DLX5: variants seen among roughly 807,000 people sequenced by gnomAD.
DLX5 encodes distal-less homeobox 5, also known as homeobox protein DLX-5.
DLX5 carries 8 observed loss-of-function variants against 27.1 expected under a neutral mutation model. The observed-to-expected ratio is 0.30, with a 90% CI of 0.17 to 0.53. The LOEUF is 0.53. Among genes scored for constraint, DLX5 ranks in the 20% least tolerant of loss-of-function variants. DLX5 has a pLI of 0.95. For missense variants in DLX5, 339 were observed against 375.1 expected, an observed-to-expected ratio of 0.90 and a Z score of 0.80; for synonymous variants, 178 against 161.9, an observed-to-expected ratio of 1.10 and a Z score of -0.75.
Position 97,024,254 on chromosome 7 carries a change from C to T in DLX5, c.355+15G>A, listed in dbSNP as rs1389969404. ...GTCGCCCTGTATCTGCCCAGCCTTC[C>T]CCCTGTCCATGTACCTGGCTGGTTG... On this transcript the variant is annotated intron_variant, in intron 1 of 2. Transcript: ENST00000648378. This position sits in a 1 kb window ranked among gnomAD's most constrained non-coding sequence, Gnocchi z 4.6. The T allele has an allele frequency of 1.9e-6, 3 of 1,607,830 alleles. No homozygotes were observed. The Admixed American group carries it at 5.0e-5, about 27-fold the overall frequency.
rs1334721803 is a variant in DLX5 at position 97,024,266 on chromosome 7, T to C, written c.355+3A>G. The stretch of plus-strand genomic sequence containing the variant: ...CTGCCCAGCCTTCCCCCTGTCCATG[T>C]ACCTGGCTGGTTGGTGGCGCTTGGG... On this transcript the variant is annotated splice_donor_region_variant and intron_variant, in intron 1 of 2. Transcript: ENST00000648378. The surrounding 1 kb of genome is among the most constrained non-coding windows in gnomAD (Gnocchi z 4.6). 6.2e-6 allele frequency: 10 copies of C among 1,612,200 alleles called. No homozygotes were observed. Among genetic ancestry groups the C allele is most frequent in the Non-Finnish European group, 8.5e-6 (10 of 1,178,836 alleles).
chr7:97,022,278 C>T lies in DLX5; in HGVS notation c.447G>A (p.Leu149=). 1.2e-6 allele frequency: 2 copies of T among 1,614,262 alleles called. No individual in the cohort carries two copies. Among genetic ancestry groups the T allele is most frequent in the East Asian group, 2.2e-5 (1 of 44,892 alleles). ...KPRTIYSSFQ[L]AALQRRFQKT... is the part of the protein sequence containing the mutation. The stretch of plus-strand genomic sequence containing the variant: ...TCTGAAACCTTCTCTGTAATGCGGC[C>T]AGCTGAAAGCTGGAATAAATAGTCC... Residue 149 remains leucine (L), a synonymous_variant, in exon 2 of 3, where the codon CTG becomes CTA. Transcript: ENST00000648378.
chr7:97,020,830 C>T lies in DLX5; in HGVS notation c.776G>A (p.Trp259Ter). ...GATTGAGCTGGCTGCACTTGTGTAC[C>T]AGGATGCAGAGTTCTCCAGGTAGCT... ...ASSYLENSAS[W>*]YTSAASSINS... The change falls in exon 3 of 3, where the codon TGG becomes TAG. Residue 259 changes from tryptophan (W) to a stop codon, truncating the protein, a stop_gained. Transcript: ENST00000648378. LOFTEE classifies it high-confidence loss of function. 2 of 1,614,012 alleles carry T rather than the reference C, an allele frequency of 1.2e-6. No homozygotes were observed. Among genetic ancestry groups the T allele is most frequent in the Non-Finnish European group, 1.7e-6 (2 of 1,179,948 alleles).
At chr7:97,023,337 G>GGTGTGT (rs10525881) in intron 1 of DLX5, among the ~76,000 whole-genome samples, 2,341 of 145,472 alleles carry the variant, frequency 0.016, 57 homozygotes, top group African/African-American at 0.051. Flanking sequence ...ACCTCTCCAG[G>GGTGTGT]GTGTGTGTGT....
chr7:97,022,054 C>T (rs1790077898), intron 2 of DLX5, 131 bp downstream of exon 2: 2 of 1,068,298 alleles, frequency 1.9e-6, no homozygotes, highest in East Asian at 2.4e-5. Flanking sequence ...AGCATAGGGG[C>T]TGATGTCTTT....
In DLX5 at chr7:97,024,464, C is replaced by T; in HGVS notation, c.160G>A (p.Ala54Thr). The change falls in exon 1 of 3, where the codon GCC (alanine) becomes ACC (threonine). Residue 54 changes from alanine (A) to threonine (T), a missense_variant. By Grantham distance (58) the Ala-to-Thr change is moderately conservative. Transcript: ENST00000648378. This position sits in a 1 kb window ranked among gnomAD's most constrained non-coding sequence, Gnocchi z 4.6. ...DSDYYSPTGGAPHGYCSPTSA... is the reference protein window; with the variant it reads ...DSDYYSPTGGTPHGYCSPTSA... ...GTAGGAGAGCAGTAGCCGTGCGGGGCTCCCCCCGTAGGGCTGTAGTAGTCA... is the reference window on the plus strand; with the variant it reads ...GTAGGAGAGCAGTAGCCGTGCGGGGTTCCCCCCGTAGGGCTGTAGTAGTCA... The T allele has an allele frequency of 1.2e-6, 2 of 1,614,250 alleles. No homozygotes were observed. The highest frequency in any genetic ancestry group is 2.2e-5 in the East Asian group (1 of 44,880).
chr7:97,022,627 C>T (rs1790094303), intron 1 of DLX5: 12 of 984,550 alleles, frequency 1.2e-5, no homozygotes, highest in Admixed American at 6.1e-5. Context: ...CTGCTTTCTC[C>T]TTGGCATCTG....
rs185135803 is a variant in DLX5 at position 97,022,910 on chromosome 7, C to A, written c.356-541G>T. On this transcript the variant is annotated intron_variant, in intron 1 of 2. Coordinates refer to ENST00000648378, the MANE Select transcript of DLX5 (RefSeq NM_005221.6). Reference sequence around the variant, plus strand: ...CTCCTTCACTTCAGCAGCAAGCGGTCGGGGCCGCCGCAGACAGAGGGTCGA... The same window carrying A: ...CTCCTTCACTTCAGCAGCAAGCGGTAGGGGCCGCCGCAGACAGAGGGTCGA... Among the ~76,000 whole-genome samples the A allele has an allele frequency of 7.3e-3, 1,105 of 151,186 alleles. 21 individuals are homozygous for A. The highest frequency in any genetic ancestry group is 0.026 in the African/African-American group (1,056 of 41,258).
In DLX5 at chr7:97,020,736, C is replaced by T. The variant is rs1167388161; in HGVS notation, c.870G>A (p.Ter290=). The T allele has an allele frequency of 6.3e-7, 1 of 1,580,134 alleles. No individual in the cohort carries two copies. The highest frequency in any genetic ancestry group is 8.6e-7 in the Non-Finnish European group (1 of 1,160,372). The part of the protein sequence containing the change: ...PLALASGTLY[*] ...AAGAGAGTAAGAGAGAGCAGCCCAT[C>T]TAATAGAGTGTCCCGGAGGCCAGCG... Residue 290 remains the stop codon, a stop_retained_variant, in exon 3 of 3, where the codon TAG becomes TAA. Coordinates refer to ENST00000648378, the MANE Select transcript of DLX5 (RefSeq NM_005221.6).
rs1249427265 is a variant in DLX5 at position 97,024,156 on chromosome 7, C to T, written c.355+113G>A. On this transcript the variant is annotated intron_variant, in intron 1 of 2. Coordinates refer to ENST00000648378, the MANE Select transcript of DLX5 (RefSeq NM_005221.6). The surrounding 1 kb of genome is among the most constrained non-coding windows in gnomAD (Gnocchi z 4.6). The stretch of plus-strand genomic sequence containing the variant: ...GGGTCTGAGTCCTACTCCCTTCTGC[C>T]GCGTGCGCCCCCACTGCCGTGAACC... 6.2e-6 allele frequency: 6 copies of T among 975,020 alleles called. No individual in the cohort carries two copies. Among genetic ancestry groups the T allele is most frequent in the Admixed American group, 2.7e-5 (1 of 36,430 alleles). The allele number at this position is 975,020 out of a possible 1,614,324, so 60.4% of individuals were successfully genotyped here. A position where few individuals can be genotyped will look rare whatever the true frequency, so the allele number is the denominator to read the frequency against.
chr7:97,023,515 C>G (rs559759060), intron 1 of DLX5, among the ~76,000 whole-genome samples: 6 of 152,196 alleles, frequency 3.9e-5, no homozygotes, highest in African/African-American at 1.4e-4. Context: ...CGCCGAGCCT[C>G]ATGCCTTTCT....
In DLX5 at chr7:97,024,769, G is replaced by A. The variant is rs1584168965; in HGVS notation, c.-146C>T. On this transcript the variant is annotated 5_prime_UTR_variant, in exon 1 of 3. Transcript: ENST00000648378. This position sits in a 1 kb window ranked among gnomAD's most constrained non-coding sequence, Gnocchi z 4.6. ...GAGGAGGAGGAGAGAAGGAGGAGGC[G>A]GCGGCCGCGGCGAGGAGGAGACTGG... The A allele has an allele frequency of 1.9e-5, 13 of 695,132 alleles. No homozygotes were observed. The South Asian group carries it at 2.0e-4, about 11-fold the overall frequency. The allele number at this position is 695,132 out of a possible 1,614,324, so 43.1% of individuals were successfully genotyped here. A position where few individuals can be genotyped will look rare whatever the true frequency, so the allele number is the denominator to read the frequency against.
rs995549238 is a variant in DLX5 at position 97,024,720 on chromosome 7, G to A, written c.-97C>T. The A allele has an allele frequency of 9.3e-6, 10 of 1,073,474 alleles. No individual in the cohort carries two copies. In the South Asian group the frequency reaches 1.4e-4, roughly 15 times the overall value. 66.5% of individuals were successfully genotyped at this position (1,073,474 alleles called of 1,614,324 possible). ...TGCTCTGGTCTAAGCAGACATGGCT[G>A]TGGGAGCGAGGGAGGAGGAGGAAGA... On this transcript the variant is annotated 5_prime_UTR_variant, in exon 1 of 3. Transcript: ENST00000648378. This position sits in a 1 kb window ranked among gnomAD's most constrained non-coding sequence, Gnocchi z 4.6.
chr7:97,024,565 G>C lies in DLX5; in HGVS notation c.59C>G (p.Pro20Arg), dbSNP rs1380318930. The C allele has an allele frequency of 2.5e-6, 4 of 1,611,596 alleles. No homozygotes were observed. In the African/African-American group the frequency reaches 5.3e-5, roughly 21 times the overall value. The change falls in exon 1 of 3, where the codon CCG becomes CGG. Residue 20 changes from proline (P) to arginine (R), a missense_variant. By Grantham distance (103) the Pro-to-Arg change is moderately radical. Coordinates refer to ENST00000648378, the MANE Select transcript of DLX5 (RefSeq NM_005221.6). The surrounding 1 kb of genome is among the most constrained non-coding windows in gnomAD (Gnocchi z 4.6). The stretch of plus-strand genomic sequence containing the variant: ...GTGCATAGCTGCGGACGTCTGGAAC[G>C]GAGCTTGGAAGTCGCCGGATCGGAT... The part of the protein sequence containing the change: ...PSIRSGDFQA[P>R]FQTSAAMHHP...
intron 2 of DLX5, 144 bp from the exon 3 acceptor site, chr7:97,021,209 A>G: frequency 1.2e-6 from 1 of 822,222 alleles, no homozygotes; most frequent in African/African-American, 1.7e-5. Flanking sequence ...GCCTACCGCC[A>G]AGAAGCTATG....
rs778730427 is a variant in DLX5, at chr7:97,024,664, C to CGG, written c.-43_-42dup. On this transcript the variant is annotated 5_prime_UTR_variant, in exon 1 of 3. Transcript: ENST00000648378. The surrounding 1 kb of genome is among the most constrained non-coding windows in gnomAD (Gnocchi z 4.6). ...GCAGCGGCTGTCCTTGCTGTTGTGG[C>CGG]GGCGGCAGCTGCCCTAGTTGGCTGT... 1 of 1,540,630 alleles carries CGG rather than the reference C, an allele frequency of 6.5e-7. No individual in the cohort carries two copies. Among genetic ancestry groups the CGG allele is most frequent in the Admixed American group, 1.8e-5 (1 of 55,070 alleles).
At position 97,024,205 on chromosome 7, in the gene DLX5, C is replaced by T; in HGVS notation, c.355+64G>A. 1 of 1,486,244 alleles carries T rather than the reference C, an allele frequency of 6.7e-7. No individual in the cohort carries two copies. The highest frequency in any genetic ancestry group is 2.4e-5 in the East Asian group (1 of 42,080). The allele number at this position is 1,486,244 out of a possible 1,614,324, so 92.1% of individuals were successfully genotyped here. A position where few individuals can be genotyped will look rare whatever the true frequency, so the allele number is the denominator to read the frequency against. ...CCGCTGTGACCCCCAATCTACCACC[C>T]CATCTCGCGCCCCCAGCGTCCTAGT... On this transcript the variant is annotated intron_variant, in intron 1 of 2. Coordinates refer to ENST00000648378, the MANE Select transcript of DLX5 (RefSeq NM_005221.6). The surrounding 1 kb of genome is among the most constrained non-coding windows in gnomAD (Gnocchi z 4.6).
intron 1 of DLX5, 144 bp from the exon 2 acceptor site, chr7:97,022,513 C>T: frequency 4.1e-6 from 6 of 1,479,022 alleles, no homozygotes; most frequent in Non-Finnish European, 5.3e-6. Context: ...TTTTCAGGAC[C>T]GCGATAAATA....
chr7:97,020,808 T>C lies in DLX5; in HGVS notation c.798A>G (p.Ser266=), dbSNP rs1405174275. 1.9e-6 allele frequency: 3 copies of C among 1,612,366 alleles called. No homozygotes were observed. Among genetic ancestry groups the C allele is most frequent in the Non-Finnish European group, 1.7e-6 (2 of 1,178,806 alleles). The change falls in exon 3 of 3, where the codon TCA becomes TCG. Residue 266 remains serine, a synonymous_variant. Transcript: ENST00000648378. The part of the protein sequence containing the change: ...SASWYTSAAS[S]INSHLPPPGS... ...CCGGCGGCGGCAGGTGGGAATTGAT[T>C]GAGCTGGCTGCACTTGTGTACCAGG...
Sources: allele counts gnomAD v4.1 joint callset (sites outside exome capture counted in the v4.1 genomes callset), GRCh38; gene constraint gnomAD v4.1.1; non-coding constraint Gnocchi (gnomAD v3.1); transcripts MANE v1.5; gene names NCBI Gene and HGNC (gene_info 2026-07-23, HGNC 2026-07-21).